BTBD9: variants seen among roughly 807,000 people sequenced by gnomAD.
The protein encoded by BTBD9 is BTB domain containing 9.
A neutral mutation model predicts 64.3 loss-of-function variants in BTBD9; 49 were observed. That is an observed-to-expected ratio of 0.76 (90% CI 0.61 to 0.97). The LOEUF (loss-of-function observed/expected upper bound fraction) is 0.97, where lower values mean the gene tolerates loss of function less well. BTBD9 is among the 50% of genes least tolerant of loss of function. The pLI, the probability that BTBD9 is intolerant of heterozygous loss-of-function variation, is 0.00. For synonymous variants in BTBD9, 260 were observed against 274.7 expected, an observed-to-expected ratio of 0.95 and a Z score of 0.53; for missense variants, 598 against 762.1, an observed-to-expected ratio of 0.78 and a Z score of 2.53.
At chr6:38,563,284 C>T (rs1480812214) in intron 6 of BTBD9, among the ~76,000 whole-genome samples, 3 of 152,082 alleles carry the variant, frequency 2.0e-5, no homozygotes, top group Non-Finnish European at 4.4e-5. Context: ...TAGCCCAGAC[C>T]TCCTTTTCCA....
chr6:38,325,585 T>C (rs1445074421), intron 7 of BTBD9, among the ~76,000 whole-genome samples: 1 of 152,112 alleles, frequency 6.6e-6, no homozygotes, highest in East Asian at 1.9e-4. Flanking sequence ...CTCGGGAGGC[T>C]GAGGCAGGAG....
intron 1 of BTBD9, among the ~76,000 whole-genome samples, chr6:38,613,570 C>T (rs1419909952): frequency 6.6e-6 from 1 of 152,070 alleles, no homozygotes; most frequent in Non-Finnish European, 1.5e-5. Context: ...TCATGCCACA[C>T]TCCAACCTGG....
intron 6 of BTBD9, among the ~76,000 whole-genome samples, chr6:38,453,020 T>C (rs900528744): frequency 3.3e-5 from 5 of 152,170 alleles, no homozygotes; most frequent in Admixed American, 1.3e-4. Context: ...TCCAATACCA[T>C]TCATTCAAAG....
intron 6 of BTBD9, among the ~76,000 whole-genome samples, chr6:38,463,308 T>C (rs761913761): frequency 2.0e-5 from 3 of 152,226 alleles, no homozygotes; most frequent in Non-Finnish European, 4.4e-5. Context: ...GCATAGACAA[T>C]GATATTGTCT....
intron 8 of BTBD9, among the ~76,000 whole-genome samples, chr6:38,281,192 G>A (rs1456740382): frequency 6.6e-6 from 1 of 151,932 alleles, no homozygotes; most frequent in Non-Finnish European, 1.5e-5. Context: ...TTTCTTTTCT[G>A]TGCTTATCCT....
intron 7 of BTBD9, among the ~76,000 whole-genome samples, chr6:38,295,509 CATAAGG>C (rs1762128371): frequency 6.6e-6 from 1 of 152,102 alleles, no homozygotes; most frequent in African/African-American, 2.4e-5. Context: ...ACACCAAATT[CATAAGG>C]ATATTTTCCT....
In BTBD9 at chr6:38,374,317, A is replaced by ATGTG. The variant is rs1765591188; in HGVS notation, c.1155-29225_1155-29224insCACA. Among the ~76,000 whole-genome samples the ATGTG allele has an allele frequency of 2.7e-5, 3 of 111,412 alleles. 1 individual carries two copies. The highest frequency in any genetic ancestry group is 1.1e-4 in the African/African-American group (3 of 28,376). 73.1% of individuals were successfully genotyped at this position (111,412 alleles called of 152,430 possible). A position where few individuals can be genotyped will look rare whatever the true frequency, so the allele number is the denominator to read the frequency against. ...TATATGTATATATATGTATATATAT[A>ATGTG]TATATATATGTATATAAAATCTGTA... is the stretch of plus-strand genomic sequence containing the variant. On this transcript the variant is annotated intron_variant, in intron 6 of 10. Coordinates refer to ENST00000481247, the MANE Select transcript of BTBD9 (RefSeq NM_001099272.2).
intron 6 of BTBD9, among the ~76,000 whole-genome samples, chr6:38,518,599 A>C (rs1043898515): frequency 1.3e-5 from 2 of 152,222 alleles, no homozygotes; most frequent in African/African-American, 2.4e-5. Flanking sequence ...GAGTCTAAAA[A>C]ACAGAAAAGC....
intron 9 of BTBD9, among the ~76,000 whole-genome samples, chr6:38,215,692 C>T (rs536251708): frequency 8.1e-4 from 123 of 152,326 alleles, no homozygotes; most frequent in Admixed American, 2.5e-3. Flanking sequence ...TTTGTGATGG[C>T]TCAGCTGCCA....
rs1761748729 is a variant in BTBD9, at chr6:38,184,852, G to C, written c.1641+7667C>G. On this transcript the variant is annotated intron_variant, in intron 10 of 10. Transcript: ENST00000481247. This position sits in a 1 kb window ranked among gnomAD's most constrained non-coding sequence, Gnocchi z 4.4. ...TGCTATGGGAACGAGGGTGGCATGG[G>C]AGCCCAGAGCCACTCACTGGTCTGA... is the stretch of plus-strand genomic sequence containing the variant. Among the ~76,000 whole-genome samples, 1 of 152,154 alleles carries C rather than the reference G, an allele frequency of 6.6e-6. No homozygotes were observed. Among genetic ancestry groups the C allele is most frequent in the Non-Finnish European group, 1.5e-5 (1 of 68,024 alleles).
At chr6:38,375,578 T>A (rs1318534240) in intron 6 of BTBD9, among the ~76,000 whole-genome samples, 2 of 152,162 alleles carry the variant, frequency 1.3e-5, no homozygotes, top group African/African-American at 4.8e-5. Flanking sequence ...TATGAAGGGT[T>A]ACCAGATATT....
At chr6:38,367,046 C>A (rs1211225682) in intron 6 of BTBD9, among the ~76,000 whole-genome samples, 1 of 152,082 alleles carries the variant, frequency 6.6e-6, no homozygotes, top group Non-Finnish European at 1.5e-5. Flanking sequence ...AAGCAGACAC[C>A]CTATGAAAAC....
Position 38,366,462 on chromosome 6 carries a change from C to T in BTBD9, c.1155-21369G>A, listed in dbSNP as rs147594235. Among the ~76,000 whole-genome samples the T allele has an allele frequency of 2.9e-3, 443 of 152,196 alleles. 2 individuals are homozygous for T. Among genetic ancestry groups the T allele is most frequent in the African/African-American group, 0.01 (416 of 41,526 alleles). ...GTCAGCTGACACAAGAAGCAGGTTT[C>T]GAAAAGGAAAGCTGTCCCCTAAGCA... On this transcript the variant is annotated intron_variant, in intron 6 of 10. Coordinates refer to ENST00000481247, the MANE Select transcript of BTBD9 (RefSeq NM_001099272.2).
At chr6:38,324,248 G>T (rs1053030557) in intron 7 of BTBD9, among the ~76,000 whole-genome samples, 2 of 152,204 alleles carry the variant, frequency 1.3e-5, no homozygotes, top group Non-Finnish European at 1.5e-5. Flanking sequence ...ACAGCTTAGA[G>T]ATAGGCCAAG....
At chr6:38,616,380 A>G (rs1777790837) in intron 1 of BTBD9, among the ~76,000 whole-genome samples, 1 of 152,204 alleles carries the variant, frequency 6.6e-6, no homozygotes, top group Admixed American at 6.5e-5. Context: ...CCCAACGCCT[A>G]CTTTTTATAA....
intron 9 of BTBD9, among the ~76,000 whole-genome samples, chr6:38,199,217 G>A (rs988273154): frequency 1.3e-5 from 2 of 152,152 alleles, no homozygotes; most frequent in African/African-American, 4.8e-5. Context: ...GAGCAAAGGA[G>A]TTACATGGAA....
chr6:38,184,045 T>G lies in BTBD9; in HGVS notation c.1641+8474A>C, dbSNP rs537631367. 8.2e-4 allele frequency among the ~76,000 whole-genome samples: 125 copies of G among 152,328 alleles called. 1 individual carries two copies. The highest frequency in any genetic ancestry group is 3.0e-3 in the African/African-American group (124 of 41,566). ...CATGAATGTAATCCTAGTATACGTA[T>G]TCTTTGGTGTCTGGCTTCTGTCCTT... On this transcript the variant is annotated intron_variant, in intron 10 of 10. Transcript: ENST00000481247. The surrounding 1 kb of genome is among the most constrained non-coding windows in gnomAD (Gnocchi z 4.4).
intron 8 of BTBD9, among the ~76,000 whole-genome samples, chr6:38,269,885 G>A (rs1765142210): frequency 6.6e-6 from 1 of 152,138 alleles, no homozygotes; most frequent in Non-Finnish European, 1.5e-5. Flanking sequence ...AGAGTGTACT[G>A]GGCACAGAGG....
At chr6:38,538,055 G>C (rs371482338) in intron 6 of BTBD9, among the ~76,000 whole-genome samples, 8 of 152,210 alleles carry the variant, frequency 5.3e-5, no homozygotes, top group African/African-American at 7.2e-5. Context: ...AAGTCATTGG[G>C]TCTTTTTGAT....
Sources: allele counts gnomAD v4.1 joint callset (sites outside exome capture counted in the v4.1 genomes callset), GRCh38; gene constraint gnomAD v4.1.1; non-coding constraint Gnocchi (gnomAD v3.1); transcripts MANE v1.5; gene names NCBI Gene and HGNC (gene_info 2026-07-23, HGNC 2026-07-21).